Variants in FBXO9 observed in about 807,000 individuals in gnomAD.
FBXO9 encodes the protein F-box protein 9, also known as F-box only protein 9.
In FBXO9, 43 loss-of-function variants were observed where a neutral mutation model predicts 63.7. That is an observed-to-expected ratio of 0.67 (90% confidence interval 0.53 to 0.87). FBXO9 has a LOEUF of 0.87. FBXO9 is among the 40% of genes least tolerant of loss of function. FBXO9 has a pLI of 0.00. For missense variants in FBXO9, 442 were observed against 533.2 expected, an observed-to-expected ratio of 0.83 and a Z score of 1.68; for synonymous variants, 156 against 171.7, an observed-to-expected ratio of 0.91 and a Z score of 0.72.
intron 7 of FBXO9, among the ~76,000 whole-genome samples, chr6:53,084,418 A>G (rs1769409020): frequency 6.6e-6 from 1 of 152,210 alleles, no homozygotes; most frequent in African/African-American, 2.4e-5. Context: ...AGCAGAAGCT[A>G]TTGATTATGA....
At chr6:53,082,443 T>G in intron 6 of FBXO9, 61 bp from the exon 7 acceptor site, 1 of 1,066,868 alleles carries the variant, frequency 9.4e-7, no homozygotes, top group Non-Finnish European at 1.4e-6. Flanking sequence ...GTACTGGGAA[T>G]GTAGTTGTGA....
chr6:53,066,173 T>G, intron 1 of FBXO9: 1 of 1,026,964 alleles, frequency 9.7e-7, no homozygotes. Flanking sequence ...AGCGCCTGAA[T>G]TCGGGAGGGA....
At chr6:53,092,322 C>G (rs1763062932) in intron 7 of FBXO9, 107 bp from the exon 8 acceptor site, 2 of 767,952 alleles carry the variant, frequency 2.6e-6, no homozygotes, top group African/African-American at 3.5e-5. Flanking sequence ...CAGTGCCTCC[C>G]AGGTGTTCAA....
chr6:53,082,699 A>G, intron 7 of FBXO9, 81 bp downstream of exon 7: 1 of 958,676 alleles, frequency 1.0e-6, no homozygotes, highest in Middle Eastern at 2.3e-4. Context: ...TCCTGATAAA[A>G]TTACTTGATT....
intron 2 of FBXO9, among the ~76,000 whole-genome samples, chr6:53,071,386 C>T (rs1450752451): frequency 6.6e-6 from 1 of 152,172 alleles, no homozygotes; most frequent in Non-Finnish European, 1.5e-5. Context: ...ACGCATGACT[C>T]AAAACCCATA....
chr6:53,084,961 G>A (rs1042365861), intron 7 of FBXO9, among the ~76,000 whole-genome samples: 8 of 152,042 alleles, frequency 5.3e-5, no homozygotes, highest in Non-Finnish European at 1.2e-4. Flanking sequence ...TCTTAAAGCC[G>A]GATGTTTTAT....
chr6:53,081,341 G>T (rs373924208), intron 6 of FBXO9, among the ~76,000 whole-genome samples: 1 of 152,058 alleles, frequency 6.6e-6, no homozygotes, highest in Admixed American at 6.6e-5. Context: ...GTGCAATCTC[G>T]GCTCACTGCA....
intron 4 of FBXO9, among the ~76,000 whole-genome samples, chr6:53,078,392 A>C (rs1769192875): frequency 6.6e-6 from 1 of 152,194 alleles, no homozygotes; most frequent in South Asian, 2.1e-4. Context: ...TGGGAGGTGG[A>C]GTCTGCAGTG....
At chr6:53,085,260 A>C (rs1299497860) in intron 7 of FBXO9, among the ~76,000 whole-genome samples, 2 of 152,268 alleles carry the variant, frequency 1.3e-5, no homozygotes, top group East Asian at 3.9e-4. Context: ...TGAACCCATG[A>C]ATTTATTAGA....
At chr6:53,070,452 A>G (rs1234153811) in intron 1 of FBXO9, among the ~76,000 whole-genome samples, 1 of 152,218 alleles carries the variant, frequency 6.6e-6, no homozygotes, top group Non-Finnish European at 1.5e-5. Flanking sequence ...TTGTTACTTT[A>G]TATTACACAG....
At chr6:53,093,264 G>A (rs1214561799) in intron 9 of FBXO9, 1 of 468,568 alleles carries the variant, frequency 2.1e-6, no homozygotes. Context: ...TTCCCCTGAG[G>A]AAGATAAAAT....
At chr6:53,070,856 A>C (rs1049870087) in intron 1 of FBXO9, 3 of 754,096 alleles carry the variant, frequency 4.0e-6, no homozygotes, top group African/African-American at 1.8e-5. Flanking sequence ...TGGAGTAGAG[A>C]ATATGCTTTT....
At chr6:53,095,490 C>T (rs1159736566) in intron 11 of FBXO9, 23 bp from the exon 12 acceptor site, 2 of 1,592,744 alleles carry the variant, frequency 1.3e-6, no homozygotes, top group Admixed American at 3.6e-5. Context: ...TTCATTATAA[C>T]TTATGCATCT....
At chr6:53,097,258 T>C (rs1473881101) in intron 12 of FBXO9, among the ~76,000 whole-genome samples, 1 of 152,208 alleles carries the variant, frequency 6.6e-6, no homozygotes, top group African/African-American at 2.4e-5. Context: ...CTAATGTCTA[T>C]AGCTTCTGAC....
intron 6 of FBXO9, among the ~76,000 whole-genome samples, chr6:53,081,809 C>T (rs565996980): frequency 1.3e-5 from 2 of 152,274 alleles, no homozygotes; most frequent in South Asian, 4.1e-4. Flanking sequence ...TGGCTCACGC[C>T]TGCAATCTCA....
chr6:53,087,673 A>G (rs187097198), intron 7 of FBXO9, among the ~76,000 whole-genome samples: 3 of 152,370 alleles, frequency 2.0e-5, no homozygotes, highest in South Asian at 2.1e-4. Flanking sequence ...AACTAGGGAA[A>G]TTAATTAGAT....
intron 2 of FBXO9, among the ~76,000 whole-genome samples, chr6:53,071,562 CA>C (rs1768917566): frequency 6.6e-6 from 1 of 152,144 alleles, no homozygotes; most frequent in African/African-American, 2.4e-5. Flanking sequence ...TTTGGAAGAA[CA>C]GAGGATAAAA....
intron 2 of FBXO9, among the ~76,000 whole-genome samples, chr6:53,071,386 CA>C (rs1339154383): frequency 6.6e-6 from 1 of 152,172 alleles, no homozygotes; most frequent in East Asian, 1.9e-4. Flanking sequence ...ACGCATGACT[CA>C]AAACCCATAA....
At chr6:53,070,726 T>C in intron 1 of FBXO9, 1 of 263,682 alleles carries the variant, frequency 3.8e-6, no homozygotes, top group East Asian at 6.7e-5. Context: ...CTCCTGGAAC[T>C]AATCACCTGT....
Sources: allele counts gnomAD v4.1 joint callset (sites outside exome capture counted in the v4.1 genomes callset), GRCh38; gene constraint gnomAD v4.1.1; transcripts MANE v1.5; gene names NCBI Gene and HGNC (gene_info 2026-07-23, HGNC 2026-07-21).